The following ERN1 variants were observed in gnomAD, a reference collection of about 807,000 sequenced individuals.
ERN1 encodes endoplasmic reticulum to nucleus signaling 1.
ERN1 carries 39 observed loss-of-function variants against 113.1 expected under a neutral mutation model. The observed-to-expected ratio is 0.34, with a 90% CI of 0.27 to 0.45. The LOEUF (loss-of-function observed/expected upper bound fraction) is 0.45, where lower values mean the gene tolerates loss of function less well. ERN1 is among the 20% of genes least tolerant of loss of function. The pLI, the probability that ERN1 is intolerant of heterozygous loss-of-function variation, is 1.00. For synonymous variants in ERN1, 507 were observed against 515.9 expected, an observed-to-expected ratio of 0.98 and a Z score of 0.23; for missense variants, 976 against 1,274.8, an observed-to-expected ratio of 0.77 and a Z score of 3.57.
At chr17:64,104,726 G>A (rs1417326078) in intron 1 of ERN1, among the ~76,000 whole-genome samples, 1 of 152,152 alleles carries the variant, frequency 6.6e-6, no homozygotes, top group East Asian at 1.9e-4. Context: ...GACTGAGTCA[G>A]GAGAATCGCT....
chr17:64,058,482 G>A (rs962299434), intron 11 of ERN1, among the ~76,000 whole-genome samples: 1 of 152,168 alleles, frequency 6.6e-6, no homozygotes, highest in Admixed American at 6.5e-5. Context: ...CCTGTAAACT[G>A]TCAGTGCAAT....
chr17:64,079,356 G>A (rs1397460581), intron 4 of ERN1, among the ~76,000 whole-genome samples: 1 of 152,170 alleles, frequency 6.6e-6, no homozygotes, highest in Non-Finnish European at 1.5e-5. Flanking sequence ...CCCTCCTAAG[G>A]TGAGGGTCAC....
intron 1 of ERN1, among the ~76,000 whole-genome samples, chr17:64,117,967 A>G (rs957525696): frequency 3.9e-5 from 6 of 152,170 alleles, no homozygotes; most frequent in Non-Finnish European, 7.3e-5. Context: ...TTGGCATAAA[A>G]TATGTACTCA....
chr17:64,071,774 AG>A (rs1273666376), intron 6 of ERN1, among the ~76,000 whole-genome samples: 5 of 152,140 alleles, frequency 3.3e-5, no homozygotes, highest in Non-Finnish European at 7.4e-5. Context: ...GCGGCGTCAC[AG>A]GGGTTTTTCT....
rs149950313 is a variant in ERN1 at position 64,053,446 on chromosome 17, C to T, written c.1954-75G>A. The T allele has an allele frequency of 1.8e-5, 18 of 1,024,242 alleles. No individual in the cohort carries two copies. In the African/African-American group the frequency reaches 2.8e-4, roughly 16 times the overall value. 63.4% of individuals were successfully genotyped at this position (1,024,242 alleles called of 1,614,324 possible). A position where few individuals can be genotyped will look rare whatever the true frequency, so the allele number is the denominator to read the frequency against. Reference sequence around the variant, plus strand: ...GCCCCTCGGCTCACTTTCTTTGATACCATTTTAAGAAAGAAATGGCAAGTT... The same window carrying T: ...GCCCCTCGGCTCACTTTCTTTGATATCATTTTAAGAAAGAAATGGCAAGTT... On this transcript the variant is annotated intron_variant, in intron 15 of 21. Transcript: ENST00000433197.
intron 1 of ERN1, among the ~76,000 whole-genome samples, chr17:64,124,394 C>T (rs994631804): frequency 2.0e-5 from 3 of 152,194 alleles, no homozygotes; most frequent in Admixed American, 1.3e-4. Context: ...CTCTGTGTCC[C>T]CACCCAAATC....
At chr17:64,046,038 T>C (rs1460487834) in intron 19 of ERN1, among the ~76,000 whole-genome samples, 1 of 152,198 alleles carries the variant, frequency 6.6e-6, no homozygotes, top group African/African-American at 2.4e-5. Flanking sequence ...GCTCTGCATT[T>C]GACTTTGGTA....
intron 19 of ERN1, 53 bp downstream of exon 19, chr17:64,047,805 A>C (rs939116053): frequency 1.3e-6 from 2 of 1,483,626 alleles, no homozygotes; most frequent in Non-Finnish European, 9.0e-7. Context: ...GTATTTTCAA[A>C]ATCTGAAAAA....
At chr17:64,113,210 T>TA (rs766296009) in intron 1 of ERN1, among the ~76,000 whole-genome samples, 2 of 152,238 alleles carry the variant, frequency 1.3e-5, no homozygotes, top group African/African-American at 2.4e-5. Context: ...AATAATGAGA[T>TA]AGACTTTCAT....
chr17:64,117,669 A>T (rs537491496), intron 1 of ERN1, among the ~76,000 whole-genome samples: 2 of 152,170 alleles, frequency 1.3e-5, no homozygotes, highest in African/African-American at 2.4e-5. Context: ...GCAGGAAGGG[A>T]TCTAGTCTAC....
chr17:64,061,130 G>C (rs930409405), intron 10 of ERN1, among the ~76,000 whole-genome samples: 1 of 152,156 alleles, frequency 6.6e-6, no homozygotes, highest in African/African-American at 2.4e-5. Flanking sequence ...GCCATAGCTT[G>C]CTCCACGTTC....
At chr17:64,106,233 C>A (rs1369198022) in intron 1 of ERN1, among the ~76,000 whole-genome samples, 1 of 152,116 alleles carries the variant, frequency 6.6e-6, no homozygotes, top group African/African-American at 2.4e-5. Flanking sequence ...AAAGGTAAGA[C>A]TTGAAACAAG....
chr17:64,106,714 T>TTACACACA (rs1914537278), intron 1 of ERN1, among the ~76,000 whole-genome samples: 1 of 44,590 alleles, frequency 2.2e-5, no homozygotes, highest in Non-Finnish European at 5.5e-5. Flanking sequence ...ACAGGGTTTC[T>TTACACACA]TACACACACA....
At position 64,055,740 on chromosome 17, in the gene ERN1, G is replaced by T. The variant is rs567044945; in HGVS notation, c.1607C>A (p.Ser536Ter). ...PSTSPRASNHSLCSGSSASKA... is the reference protein window; with the variant it reads ...PSTSPRASNH ...GGAGGCAGAGCTGCCGGAGCAGAGC[G>T]AGTGGTTGGAGGCCCTGGGGGACGT... The change falls in exon 13 of 22, where the codon TCG becomes TAG. Residue 536 changes from serine to a stop codon, truncating the protein, a stop_gained. Coordinates refer to ENST00000433197, the MANE Select transcript of ERN1 (RefSeq NM_001433.5). LOFTEE classifies it high-confidence loss of function. The T allele has an allele frequency of 6.2e-7, 1 of 1,612,000 alleles. No individual in the cohort carries two copies. Among genetic ancestry groups the T allele is most frequent in the Non-Finnish European group, 8.5e-7 (1 of 1,179,272 alleles).
In ERN1 at chr17:64,065,286, G is replaced by T; in HGVS notation, c.844C>A (p.Pro282Thr). The part of the protein sequence containing the change: ...KETEAKSKLT[P>T]TLYVGKYSTS... ...GAGTATTTCCCAACATACAGAGTGG[G>T]CCTAGGAGAAAAACAGATACATGCA... The change falls in exon 9 of 22, where the codon CCC becomes ACC. Residue 282 changes from proline (P) to threonine (T), a missense_variant and splice_region_variant. Transcript: ENST00000433197. 1.3e-6 allele frequency: 2 copies of T among 1,598,428 alleles called. No individual in the cohort carries two copies. The highest frequency in any genetic ancestry group is 1.7e-6 in the Non-Finnish European group (2 of 1,171,736).
chr17:64,064,138 G>A lies in ERN1; in HGVS notation c.935C>T (p.Thr312Ile). Residue 312 changes from threonine (T) to isoleucine (I), a missense_variant, in exon 10 of 22, where the codon ACA (threonine) becomes ATA (isoleucine). Coordinates refer to ENST00000433197, the MANE Select transcript of ERN1 (RefSeq NM_001433.5). Reference sequence around the variant, plus strand: ...CTGGGGCCCTTCCAGCAAAGGAAGTGTGCTGCCGCGGGGCTGTGGAGAGGG... The same window carrying A: ...CTGGGGCCCTTCCAGCAAAGGAAGTATGCTGCCGCGGGGCTGTGGAGAGGG... ...EGVAVVPRGS[T>I]LPLLEGPQTD... is the part of the protein sequence containing the mutation. 6.2e-7 allele frequency: 1 copy of A among 1,600,608 alleles called. No homozygotes were observed. Among genetic ancestry groups the A allele is most frequent in the Non-Finnish European group, 8.5e-7 (1 of 1,173,302 alleles).
intron 4 of ERN1, among the ~76,000 whole-genome samples, chr17:64,078,480 AT>A (rs1913666080): frequency 6.6e-6 from 1 of 152,000 alleles, no homozygotes; most frequent in Admixed American, 6.5e-5. Context: ...CAATATATTG[AT>A]TTTTTCCTAA....
intron 8 of ERN1, among the ~76,000 whole-genome samples, chr17:64,066,205 A>G (rs181295750): frequency 6.6e-6 from 1 of 152,314 alleles, no homozygotes; most frequent in Admixed American, 6.5e-5. Flanking sequence ...CTAAAAACTT[A>G]GAAAATATAG....
At position 64,047,935 on chromosome 17, in the gene ERN1, G is replaced by T; in HGVS notation, c.2452C>A (p.Gln818Lys). The part of the protein sequence containing the change: ...LIEKMIAMDP[Q>K]KRPSAKHVLK... ...ACATGCTTCGCTGAGGGGCGTTTCT[G>T]AGGATCCATCGCAATCATCTTCTCT... Residue 818 changes from glutamine to lysine, a missense_variant, in exon 19 of 22, where the codon CAG (glutamine) becomes AAG (lysine). Around this residue, in one of 5 missense-constraint regions of ERN1, gnomAD observed 297 missense variants for 457.8 expected, o/e 0.65. Transcript: ENST00000433197. 6.2e-7 allele frequency: 1 copy of T among 1,613,488 alleles called. No individual in the cohort carries two copies. The highest frequency in any genetic ancestry group is 8.5e-7 in the Non-Finnish European group (1 of 1,179,496).
Sources: gnomAD v4.1 joint callset for allele counts (sites outside exome capture counted in the v4.1 genomes callset) on GRCh38, gnomAD v4.1.1 for gene constraint, gnomAD v4.1.1 regional missense constraint, MANE v1.5 for transcripts, NCBI Gene and HGNC (gene_info 2026-07-23, HGNC 2026-07-21) for gene names.